Variants in GDPD5 observed in about 807,000 individuals in gnomAD.
GDPD5 encodes the protein glycerophosphodiester phosphodiesterase domain containing 5.
A neutral mutation model predicts 75.1 loss-of-function variants in GDPD5; 48 were observed. That is an observed-to-expected ratio of 0.64 (90% CI 0.51 to 0.81). The LOEUF is 0.81. Among genes scored for constraint, GDPD5 ranks in the 40% least tolerant of loss-of-function variants. The probability of loss-of-function intolerance (pLI) is 0.00; values close to 1 mark genes in which losing one functional copy is unlikely to be tolerated. For synonymous variants in GDPD5, 336 were observed against 339.0 expected (o/e 0.99, Z 0.10); for missense variants, 706 against 822.6 (o/e 0.86, Z 1.73).
chr11:75,467,261 C>G (rs1949537061), intron 3 of GDPD5, among the ~76,000 whole-genome samples: 1 of 152,210 alleles, frequency 6.6e-6, no homozygotes, highest in Non-Finnish European at 1.5e-5. Flanking sequence ...GAATAACAGC[C>G]CTTCCCTCGG....
At chr11:75,521,878 G>A (rs868479630) in intron 1 of GDPD5, among the ~76,000 whole-genome samples, 4 of 152,126 alleles carry the variant, frequency 2.6e-5, no homozygotes, top group Non-Finnish European at 5.9e-5. Context: ...AGAAGGCCGG[G>A]CAGAGGCTAA....
chr11:75,523,931 C>G (rs1630251), intron 1 of GDPD5, among the ~76,000 whole-genome samples: 1 of 152,258 alleles, frequency 6.6e-6, no homozygotes, highest in Admixed American at 6.5e-5. Flanking sequence ...AGTTGGGCAT[C>G]TCTAGGGTTA....
At chr11:75,441,617 C>G in intron 13 of GDPD5, 29 bp downstream of exon 13, 1 of 1,532,180 alleles carries the variant, frequency 6.5e-7, no homozygotes, top group Non-Finnish European at 8.8e-7. Flanking sequence ...CCCACCCTCT[C>G]CTGGAGGAGC....
intron 1 of GDPD5, among the ~76,000 whole-genome samples, 174 bp downstream of exon 1, chr11:75,525,036 C>T (rs1308876014): frequency 6.6e-6 from 1 of 152,120 alleles, no homozygotes; most frequent in Non-Finnish European, 1.5e-5. Context: ...GGCGCGAACC[C>T]GCACACAATG....
chr11:75,473,702 C>A (rs1949719500), intron 3 of GDPD5, among the ~76,000 whole-genome samples: 1 of 152,182 alleles, frequency 6.6e-6, no homozygotes, highest in Non-Finnish European at 1.5e-5. Flanking sequence ...CACCCTTCCC[C>A]GTCCCTGCAC....
chr11:75,446,684 G>A (rs2135196622), intron 9 of GDPD5, among the ~76,000 whole-genome samples: 1 of 152,182 alleles, frequency 6.6e-6, no homozygotes. Context: ...TGTGCACTTG[G>A]GCTCACCACA....
chr11:75,441,343 G>A (rs376933894), intron 13 of GDPD5, 33 bp from the exon 14 acceptor site: 48 of 1,612,762 alleles, frequency 3.0e-5, no homozygotes, highest in African/African-American at 2.8e-4. Context: ...GTCAGCATGC[G>A]GACCCTGGCA....
At chr11:75,484,266 C>CT (rs1201974631) in intron 2 of GDPD5, among the ~76,000 whole-genome samples, 1 of 152,138 alleles carries the variant, frequency 6.6e-6, no homozygotes, top group Non-Finnish European at 1.5e-5. Flanking sequence ...CTCGATAAAA[C>CT]TTTTTTTGTT....
At chr11:75,523,665 C>T (rs949528608) in intron 1 of GDPD5, among the ~76,000 whole-genome samples, 4 of 101,166 alleles carry the variant, frequency 4.0e-5, no homozygotes, top group Non-Finnish European at 6.3e-5. Context: ...GCTCTCTCCA[C>T]GTCATGAAAG....
At chr11:75,513,986 C>G in intron 1 of GDPD5, among the ~76,000 whole-genome samples, 1 of 152,158 alleles carries the variant, frequency 6.6e-6, no homozygotes, top group East Asian at 1.9e-4. Context: ...TGCCTGAGCC[C>G]GAGGTTTCTC....
At chr11:75,520,898 C>T (rs921550842) in intron 1 of GDPD5, among the ~76,000 whole-genome samples, 1 of 152,268 alleles carries the variant, frequency 6.6e-6, no homozygotes, top group African/African-American at 2.4e-5. Flanking sequence ...AGGGTCTCCT[C>T]TGCCAGCTAA....
intron 1 of GDPD5, among the ~76,000 whole-genome samples, chr11:75,498,205 C>A (rs997808417): frequency 1.3e-5 from 2 of 152,144 alleles, no homozygotes; most frequent in African/African-American, 4.8e-5. Flanking sequence ...CCCATGAGGG[C>A]TAACCCAGGC....
intron 1 of GDPD5, among the ~76,000 whole-genome samples, chr11:75,494,341 C>T (rs1315246606): frequency 6.6e-6 from 1 of 151,832 alleles, no homozygotes; most frequent in Non-Finnish European, 1.5e-5. Context: ...CCTCAGCCTC[C>T]CAAGTGGCTG....
intron 2 of GDPD5, among the ~76,000 whole-genome samples, chr11:75,482,241 G>A (rs1355005590): frequency 6.6e-6 from 1 of 152,146 alleles, no homozygotes; most frequent in South Asian, 2.1e-4. Context: ...GCTGATACTG[G>A]CTCTCAGAGT....
intron 15 of GDPD5, chr11:75,437,569 G>A: frequency 6.4e-6 from 1 of 156,276 alleles, no homozygotes; most frequent in Non-Finnish European, 1.4e-5. Context: ...CCCAGAGCTG[G>A]TCTGCACAGG....
intron 2 of GDPD5, among the ~76,000 whole-genome samples, chr11:75,483,952 C>T (rs1949971397): frequency 1.3e-5 from 2 of 152,150 alleles, no homozygotes; most frequent in South Asian, 2.1e-4. Flanking sequence ...TTTGGGAGGC[C>T]GAGGAGGGTG....
intron 1 of GDPD5, among the ~76,000 whole-genome samples, chr11:75,493,577 A>G (rs611449): frequency 0.59 from 89,920 of 151,610 alleles, 27,524 homozygotes; most frequent in East Asian, 0.79. Flanking sequence ...TCCATTTCTC[A>G]AACTTGAAGA....
intron 1 of GDPD5, among the ~76,000 whole-genome samples, chr11:75,503,390 ATATAAAT>A (rs1482484170): frequency 3.9e-4 from 60 of 152,356 alleles, no homozygotes; most frequent in Admixed American, 3.9e-3. Flanking sequence ...ACTGGAACAA[ATATAAAT>A]TATGAACTAT....
intron 1 of GDPD5, among the ~76,000 whole-genome samples, chr11:75,524,045 A>G (rs1401317967): frequency 2.6e-5 from 4 of 152,182 alleles, no homozygotes; most frequent in Non-Finnish European, 5.9e-5. Flanking sequence ...GCTCTTTCAC[A>G]ACACCCCTCT....
Sources: allele counts gnomAD v4.1 joint callset (sites outside exome capture counted in the v4.1 genomes callset), GRCh38; gene constraint gnomAD v4.1.1; transcripts MANE v1.5; gene names NCBI Gene and HGNC (gene_info 2026-07-23, HGNC 2026-07-21).